SND1: variants seen among roughly 807,000 people sequenced by gnomAD.
SND1 encodes staphylococcal nuclease domain-containing protein 1.
In SND1, 38 loss-of-function variants were observed where a neutral mutation model predicts 121.7. That is an observed-to-expected ratio of 0.31 (90% CI 0.24 to 0.41). SND1 has a LOEUF of 0.41. SND1 is among the 10% of genes least tolerant of loss of function. SND1 has a pLI of 1.00. For synonymous variants in SND1, 401 were observed against 447.4 expected (o/e 0.90, Z 1.31); for missense variants, 868 against 1,184.6 (o/e 0.73, Z 3.92).
At chr7:127,768,064 A>G (rs1424144839) in intron 10 of SND1, among the ~76,000 whole-genome samples, 3 of 152,158 alleles carry the variant, frequency 2.0e-5, no homozygotes, top group African/African-American at 7.2e-5. Flanking sequence ...AGGCTTGATA[A>G]TTGAATATGC....
intron 16 of SND1, among the ~76,000 whole-genome samples, chr7:128,066,519 C>T (rs1405796446): frequency 7.9e-5 from 12 of 152,208 alleles, no homozygotes; most frequent in Non-Finnish European, 1.8e-4. Flanking sequence ...CGTGCTGCTG[C>T]CTGCCTCTAG....
At position 128,029,957 on chromosome 7, in the gene SND1, G is replaced by A; in HGVS notation, c.1779+38901G>A. On this transcript the variant is annotated intron_variant, in intron 16 of 23. Coordinates refer to ENST00000354725, the MANE Select transcript of SND1 (RefSeq NM_014390.4). The surrounding 1 kb of genome is among the most constrained non-coding windows in gnomAD (Gnocchi z 4.2). ...AGCCAGGCCTGATCTCAGGGAAGTGGTTCCCTGACATCTCCAGCTCCTCCA... is the reference window on the plus strand; with the variant it reads ...AGCCAGGCCTGATCTCAGGGAAGTGATTCCCTGACATCTCCAGCTCCTCCA... The A allele has an allele frequency of 1.9e-6, 3 of 1,613,150 alleles. No homozygotes were observed. Among genetic ancestry groups the A allele is most frequent in the Non-Finnish European group, 2.5e-6 (3 of 1,180,008 alleles).
At position 128,092,115 on chromosome 7, in the gene SND1, G is replaced by A. The variant is rs368124781; in HGVS notation, c.*57G>A. On this transcript the variant is annotated 3_prime_UTR_variant, in exon 24 of 24. Transcript: ENST00000354725. The surrounding 1 kb of genome is among the most constrained non-coding windows in gnomAD (Gnocchi z 4.9). Reference sequence around the variant, plus strand: ...TCACGCCAGTCCCTCTTCCTCTGCCGGGAGGGTGTTTTCAACTCCAAACCC... The same window carrying A: ...TCACGCCAGTCCCTCTTCCTCTGCCAGGAGGGTGTTTTCAACTCCAAACCC... 36 of 1,566,692 alleles carry A rather than the reference G, an allele frequency of 2.3e-5. 1 individual carries two copies. Among genetic ancestry groups the A allele is most frequent in the East Asian group, 1.6e-4 (7 of 44,422 alleles).
In SND1 at chr7:127,877,838, AGGTGTTTGTCAG is replaced by A. The variant is rs1341723853; in HGVS notation, c.1344-10061_1344-10050del. On this transcript the variant is annotated intron_variant, in intron 12 of 23. Coordinates refer to ENST00000354725, the MANE Select transcript of SND1 (RefSeq NM_014390.4). ...TGAGATGTGGCCTCTGAAGCTGGAGAGGTGTTTGTCAGGGCTCAAATGTAAGCTGCTTATTAA... is the reference window on the plus strand; with the variant it reads ...TGAGATGTGGCCTCTGAAGCTGGAGAGGCTCAAATGTAAGCTGCTTATTAA... Among the ~76,000 whole-genome samples the A allele has an allele frequency of 8.2e-4, 125 of 152,082 alleles. 1 individual carries two copies. The highest frequency in any genetic ancestry group is 1.9e-4 in the East Asian group (1 of 5,154).
At chr7:127,747,178 C>A (rs1031142460) in intron 10 of SND1, among the ~76,000 whole-genome samples, 1 of 152,098 alleles carries the variant, frequency 6.6e-6, no homozygotes, top group Non-Finnish European at 1.5e-5. Flanking sequence ...TCCAGGTCGA[C>A]CAAGTTCTTC....
intron 15 of SND1, among the ~76,000 whole-genome samples, chr7:127,949,623 C>G (rs150094429): frequency 1.0e-3 from 153 of 152,286 alleles, no homozygotes; most frequent in Non-Finnish European, 1.7e-3. Context: ...TTGAAAAACA[C>G]CCTTCCCTCA....
At chr7:127,771,133 C>T (rs937295604) in intron 10 of SND1, among the ~76,000 whole-genome samples, 3 of 152,116 alleles carry the variant, frequency 2.0e-5, no homozygotes, top group Admixed American at 1.3e-4. Context: ...TCTTGCTAAT[C>T]GTGTTGTCAC....
chr7:127,827,696 T>C (rs1465999315), intron 11 of SND1, among the ~76,000 whole-genome samples: 4 of 152,244 alleles, frequency 2.6e-5, no homozygotes, highest in Admixed American at 6.5e-5. Flanking sequence ...CAAATACTTA[T>C]TAGATCTGAT....
intron 13 of SND1, among the ~76,000 whole-genome samples, chr7:127,901,940 TG>T (rs1007715643): frequency 1.3e-5 from 2 of 152,218 alleles, no homozygotes; most frequent in African/African-American, 4.8e-5. Flanking sequence ...AGAATCATTT[TG>T]CTGTTATTGT....
At position 127,700,127 on chromosome 7, in the gene SND1, A is replaced by G. The variant is rs1170006778; in HGVS notation, c.429-1036A>G. The stretch of plus-strand genomic sequence containing the variant: ...GTATTTTGGGGGAATTCAGTTTGCA[A>G]TTGGAATGAATAATAAAAAAATCTC... On this transcript the variant is annotated intron_variant, in intron 4 of 23. Transcript: ENST00000354725. Among the ~76,000 whole-genome samples the G allele has an allele frequency of 2.0e-5, 3 of 152,228 alleles. No homozygotes were observed. The East Asian group carries it at 5.8e-4, about 29-fold the overall frequency.
intron 14 of SND1, among the ~76,000 whole-genome samples, chr7:127,910,893 C>T (rs1429293406): frequency 6.6e-6 from 1 of 152,186 alleles, no homozygotes; most frequent in Non-Finnish European, 1.5e-5. Flanking sequence ...GCTTCATTCA[C>T]ACAGTAGCTG....
At chr7:127,801,534 C>T (rs1798127490) in intron 10 of SND1, among the ~76,000 whole-genome samples, 1 of 152,168 alleles carries the variant, frequency 6.6e-6, no homozygotes, top group Non-Finnish European at 1.5e-5. Context: ...TGCATCCATA[C>T]ACCTGCAGAT....
intron 14 of SND1, among the ~76,000 whole-genome samples, chr7:127,918,505 C>T (rs1344156403): frequency 1.3e-5 from 2 of 152,156 alleles, no homozygotes; most frequent in Middle Eastern, 3.2e-3. Context: ...CTCTTCTATT[C>T]ACCACAATGT....
rs901215572 is a variant in SND1, at chr7:127,856,923, A to G, written c.1343+12499A>G. On this transcript the variant is annotated intron_variant, in intron 12 of 23. Transcript: ENST00000354725. Reference sequence around the variant, plus strand: ...TCAGAAATTTCCCTCTGAAATGTTTATATTGCTTCTTGTGTCACTTAGCAC... The same window carrying G: ...TCAGAAATTTCCCTCTGAAATGTTTGTATTGCTTCTTGTGTCACTTAGCAC... 4.6e-5 allele frequency among the ~76,000 whole-genome samples: 7 copies of G among 152,258 alleles called. No individual in the cohort carries two copies. In the East Asian group the frequency reaches 9.7e-4, roughly 21 times the overall value.
At position 127,857,970 on chromosome 7, in the gene SND1, G is replaced by A. The variant is rs550305895; in HGVS notation, c.1343+13546G>A. 8.2e-5 allele frequency: 115 copies of A among 1,406,324 alleles called. 1 individual carries two copies. In the African/African-American group the frequency reaches 1.1e-3, roughly 14 times the overall value. 87.1% of individuals were successfully genotyped at this position (1,406,324 alleles called of 1,614,324 possible). A position where few individuals can be genotyped will look rare whatever the true frequency, so the allele number is the denominator to read the frequency against. ...CGCTCACCCAGGTCTGCATCTGGTC[G>A]CTGGTGAAGGGCCCATGCAGCTCGG... On this transcript the variant is annotated intron_variant, in intron 12 of 23. Coordinates refer to ENST00000354725, the MANE Select transcript of SND1 (RefSeq NM_014390.4).
intron 12 of SND1, among the ~76,000 whole-genome samples, chr7:127,861,751 G>T (rs189087274): frequency 6.6e-6 from 1 of 152,196 alleles, no homozygotes; most frequent in Non-Finnish European, 1.5e-5. Context: ...GATTACAGGC[G>T]TGAGCCACCG....
chr7:127,789,188 A>G (rs974191753), intron 10 of SND1, among the ~76,000 whole-genome samples: 1 of 152,074 alleles, frequency 6.6e-6, no homozygotes, highest in African/African-American at 2.4e-5. Flanking sequence ...CCCCAACTCT[A>G]CTGGGTTCTC....
chr7:127,727,611 G>A (rs1464232333), intron 10 of SND1, among the ~76,000 whole-genome samples: 1 of 152,096 alleles, frequency 6.6e-6, no homozygotes. Flanking sequence ...AAATTAGAGA[G>A]GGACTCCAGC....
At chr7:127,865,410 T>C (rs746089920) in intron 12 of SND1, among the ~76,000 whole-genome samples, 5 of 152,182 alleles carry the variant, frequency 3.3e-5, no homozygotes, top group Non-Finnish European at 7.4e-5. Flanking sequence ...TCAAAAACAT[T>C]GTTTGTCTGT....
Sources: gnomAD v4.1 joint callset for allele counts (sites outside exome capture counted in the v4.1 genomes callset) on GRCh38, gnomAD v4.1.1 for gene constraint, Gnocchi (gnomAD v3.1) non-coding constraint, MANE v1.5 for transcripts, NCBI Gene and HGNC (gene_info 2026-07-23, HGNC 2026-07-21) for gene names.